The following RSPH14 variants were observed in gnomAD, a reference collection of about 807,000 sequenced individuals.
RSPH14 encodes radial spoke head 14 homolog.
Under a neutral mutation model 26.7 loss-of-function variants are expected in RSPH14, and 20 were observed. The ratio of observed to expected loss-of-function variants is 0.75; its 90% confidence interval spans 0.53 to 1.09. The LOEUF is 1.09. Ranked by LOEUF, RSPH14 falls within the 50% of genes least tolerant of loss-of-function variation. The pLI is 0.00. For missense variants in RSPH14, 449 were observed against 457.2 expected (o/e 0.98, Z 0.16); for synonymous variants, 177 against 189.3 (o/e 0.93, Z 0.53).
intron 4 of RSPH14, among the ~76,000 whole-genome samples, chr22:23,132,390 GC>G (rs1157973076): frequency 1.3e-5 from 2 of 152,176 alleles, no homozygotes; most frequent in Non-Finnish European, 2.9e-5. Flanking sequence ...TAACTCTCGA[GC>G]CGTGGTATCG....
At chr22:23,106,760 C>G (rs530933995) in intron 4 of RSPH14, among the ~76,000 whole-genome samples, 2 of 152,362 alleles carry the variant, frequency 1.3e-5, no homozygotes, top group Admixed American at 1.3e-4. Context: ...AGCCTCCCAG[C>G]CCGAAGGGGC....
intron 4 of RSPH14, among the ~76,000 whole-genome samples, chr22:23,070,030 G>A (rs757543011): frequency 2.2e-4 from 34 of 152,294 alleles, no homozygotes; most frequent in Middle Eastern, 3.4e-3. Context: ...GGCTGCCAGA[G>A]GTGGCCCCTG....
chr22:23,136,217 C>T, intron 3 of RSPH14: 1 of 709,226 alleles, frequency 1.4e-6, no homozygotes, highest in East Asian at 2.7e-5. Flanking sequence ...GAACAGGCTG[C>T]CAGGAAGCTC....
intron 3 of RSPH14, chr22:23,136,211 A>G: frequency 4.2e-6 from 3 of 708,210 alleles, no homozygotes; most frequent in Admixed American, 2.0e-5. Flanking sequence ...GGCAGGGAAC[A>G]GGCTGCCAGG....
At position 23,107,944 on chromosome 22, in the gene RSPH14, G is replaced by A. The variant is rs550586082; in HGVS notation, c.421+26082C>T. Among the ~76,000 whole-genome samples the A allele has an allele frequency of 3.3e-5, 5 of 152,308 alleles. No individual in the cohort carries two copies. In the East Asian group the frequency reaches 5.8e-4, roughly 18 times the overall value. ...CAGCCCAGGGCAAGGCCTGCTGCGG[G>A]GGAGGAAGGCCCAGCCCGAGTCCCT... On this transcript the variant is annotated intron_variant, in intron 4 of 6. Transcript: ENST00000216036.
At position 23,060,670 on chromosome 22, in the gene RSPH14, G is replaced by A. The variant is rs549603578; in HGVS notation, c.791-952C>T. On this transcript the variant is annotated intron_variant, in intron 6 of 6. Coordinates refer to ENST00000216036, the MANE Select transcript of RSPH14 (RefSeq NM_014433.3). Reference sequence around the variant, plus strand: ...TTGCTGGTGGAACCTCTCAGCCTGGGCCCTGCCAACTCCCATTGTCCTTGG... The same window carrying A: ...TTGCTGGTGGAACCTCTCAGCCTGGACCCTGCCAACTCCCATTGTCCTTGG... Among the ~76,000 whole-genome samples the A allele has an allele frequency of 3.3e-5, 5 of 152,162 alleles. No homozygotes were observed. The East Asian group carries it at 9.7e-4, about 30-fold the overall frequency.
the RSPH14 span, among the ~76,000 whole-genome samples, chr22:23,167,106 C>T: frequency 6.6e-6 from 1 of 152,124 alleles, no homozygotes; most frequent in Non-Finnish European, 1.5e-5. Flanking sequence ...CCTGGTCCCT[C>T]CCCTGCCTCT....
At chr22:23,138,352 AG>A (rs2070518593) in intron 3 of RSPH14, among the ~76,000 whole-genome samples, 1 of 152,214 alleles carries the variant, frequency 6.6e-6, no homozygotes, top group Non-Finnish European at 1.5e-5. Flanking sequence ...ACTTGAGGCC[AG>A]GAATTTGAAA....
At chr22:23,142,376 C>T (rs1037260678), upstream of RSPH14, among the ~76,000 whole-genome samples, 2 of 152,010 alleles carry the variant, frequency 1.3e-5, no homozygotes, top group Non-Finnish European at 2.9e-5. Context: ...AGTGCAGTGG[C>T]GCGATCTTGA....
At chr22:23,104,919 T>C (rs928709275) in intron 4 of RSPH14, among the ~76,000 whole-genome samples, 4 of 152,136 alleles carry the variant, frequency 2.6e-5, no homozygotes, top group African/African-American at 9.7e-5. Flanking sequence ...GGACACCCAG[T>C]GTTGGCCAGG....
At chr22:23,151,897 C>T in the RSPH14 span, among the ~76,000 whole-genome samples, 1 of 152,170 alleles carries the variant, frequency 6.6e-6, no homozygotes, top group South Asian at 2.1e-4. Flanking sequence ...CGGGGTGTGC[C>T]CCTTGGCCTG....
At chr22:23,149,473 C>A (rs982279113), upstream of RSPH14, among the ~76,000 whole-genome samples, 3 of 152,152 alleles carry the variant, frequency 2.0e-5, no homozygotes, top group African/African-American at 7.2e-5. Context: ...CAGCAGAAAG[C>A]GCCTCCTAGG....
At chr22:23,075,033 A>G (rs1007677650) in intron 4 of RSPH14, among the ~76,000 whole-genome samples, 8 of 152,218 alleles carry the variant, frequency 5.3e-5, no homozygotes, top group Non-Finnish European at 1.2e-4. Context: ...TGCATTCCAG[A>G]ACAGCAACAG....
chr22:23,122,089 T>C (rs924130957), intron 4 of RSPH14, among the ~76,000 whole-genome samples: 5 of 152,198 alleles, frequency 3.3e-5, no homozygotes, highest in African/African-American at 1.2e-4. Context: ...AGATTTTTGA[T>C]ATTTTGCTCA....
the RSPH14 span, chr22:23,152,530 C>A: frequency 6.2e-7 from 1 of 1,614,010 alleles, no homozygotes; most frequent in Non-Finnish European, 8.5e-7. Context: ...TCCACAGGTA[C>A]AAGGCTTCCT....
At chr22:23,179,478 C>T in the RSPH14 span, among the ~76,000 whole-genome samples, 3 of 152,188 alleles carry the variant, frequency 2.0e-5, no homozygotes, top group Non-Finnish European at 2.9e-5. Flanking sequence ...GGCTGTCTTC[C>T]ACCCAGCCCT....
At chr22:23,101,736 C>T (rs1193407852) in intron 4 of RSPH14, among the ~76,000 whole-genome samples, 1 of 152,248 alleles carries the variant, frequency 6.6e-6, no homozygotes, top group Non-Finnish European at 1.5e-5. Flanking sequence ...AGCAGAGCCT[C>T]CTGACCAGAT....
intron 4 of RSPH14, among the ~76,000 whole-genome samples, chr22:23,066,663 T>C (rs1204571657): frequency 6.6e-6 from 1 of 152,170 alleles, no homozygotes; most frequent in East Asian, 1.9e-4. Flanking sequence ...AGATCTGCGA[T>C]GGCTTGCTCA....
chr22:23,101,086 G>A (rs867747216), intron 4 of RSPH14, among the ~76,000 whole-genome samples: 2 of 152,198 alleles, frequency 1.3e-5, no homozygotes, highest in African/African-American at 2.4e-5. Flanking sequence ...TGCCCAAGGA[G>A]GGAATTACAA....
Sources: gnomAD v4.1 joint callset for allele counts (sites outside exome capture counted in the v4.1 genomes callset) on GRCh38, gnomAD v4.1.1 for gene constraint, MANE v1.5 for transcripts, NCBI Gene and HGNC (gene_info 2026-07-23, HGNC 2026-07-21) for gene names.